ANKS1A: variants seen among roughly 807,000 people sequenced by gnomAD.
ANKS1A encodes the protein ankyrin repeat and sterile alpha motif domain containing 1A.
Under a neutral mutation model 120.3 loss-of-function variants are expected in ANKS1A, and 55 were observed. The ratio of observed to expected loss-of-function variants is 0.46; its 90% CI spans 0.37 to 0.57. ANKS1A has a LOEUF of 0.57. Ranked by LOEUF, ANKS1A falls within the 20% of genes least tolerant of loss-of-function variation. ANKS1A has a pLI of 0.00. For synonymous variants in ANKS1A, 590 were observed against 604.7 expected, an observed-to-expected ratio of 0.98 and a Z score of 0.36; for missense variants, 1,123 against 1,480.3, an observed-to-expected ratio of 0.76 and a Z score of 3.96.
chr6:34,951,115 T>C (rs1480589457), intron 1 of ANKS1A, among the ~76,000 whole-genome samples: 1 of 152,208 alleles, frequency 6.6e-6, no homozygotes, highest in Non-Finnish European at 1.5e-5. Context: ...TGCAGCTGCA[T>C]TTTCCACGTC....
chr6:34,911,415 T>C (rs572540930), intron 1 of ANKS1A, among the ~76,000 whole-genome samples: 2 of 152,356 alleles, frequency 1.3e-5, no homozygotes, highest in Non-Finnish European at 2.9e-5. Flanking sequence ...TGGCCTGTGT[T>C]CTGCTGTAAT....
chr6:34,984,395 G>A (rs984927453), intron 7 of ANKS1A, among the ~76,000 whole-genome samples: 10 of 152,174 alleles, frequency 6.6e-5, no homozygotes, highest in Admixed American at 1.3e-4. Context: ...AGGGAGATAC[G>A]GGCTGAAGGG....
intron 10 of ANKS1A, among the ~76,000 whole-genome samples, chr6:35,001,598 G>C (rs1018960005): frequency 6.6e-6 from 1 of 152,246 alleles, no homozygotes; most frequent in Non-Finnish European, 1.5e-5. Context: ...GGTTCACTTC[G>C]TGTCTCTCAC....
At chr6:35,052,995 C>T (rs897946937) in intron 11 of ANKS1A, among the ~76,000 whole-genome samples, 1 of 152,166 alleles carries the variant, frequency 6.6e-6, no homozygotes, top group African/African-American at 2.4e-5. Context: ...GATACCTCCC[C>T]GAGCCCCCAG....
chr6:34,965,969 C>T (rs1044025969), intron 1 of ANKS1A, among the ~76,000 whole-genome samples: 3 of 152,118 alleles, frequency 2.0e-5, no homozygotes, highest in African/African-American at 7.2e-5. Flanking sequence ...TGTCAAACTT[C>T]TGGCCTCAAC....
intron 13 of ANKS1A, among the ~76,000 whole-genome samples, chr6:35,064,262 G>A (rs752108020): frequency 3.3e-5 from 5 of 152,192 alleles, no homozygotes; most frequent in Admixed American, 6.5e-5. Context: ...GGCAGTCATG[G>A]CTCGGGGCAG....
intron 11 of ANKS1A, among the ~76,000 whole-genome samples, chr6:35,046,878 G>A (rs1031094673): frequency 6.6e-6 from 1 of 152,126 alleles, no homozygotes; most frequent in East Asian, 1.9e-4. Context: ...GAACATTACT[G>A]TCACTCCCAG....
chr6:34,934,241 G>A (rs917844841), intron 1 of ANKS1A, among the ~76,000 whole-genome samples: 3 of 152,098 alleles, frequency 2.0e-5, no homozygotes, highest in East Asian at 1.9e-4. Flanking sequence ...TCCACCTCCC[G>A]GGTTCACGCC....
At chr6:34,997,236 G>A (rs567455168) in intron 10 of ANKS1A, among the ~76,000 whole-genome samples, 9 of 130,060 alleles carry the variant, frequency 6.9e-5, no homozygotes, top group South Asian at 2.4e-4. Flanking sequence ...TTGCTCTGTT[G>A]CCCAGGCTGG....
chr6:34,900,576 C>A (rs2127446964), intron 1 of ANKS1A, among the ~76,000 whole-genome samples: 1 of 152,134 alleles, frequency 6.6e-6, no homozygotes, highest in East Asian at 1.9e-4. Flanking sequence ...CAAGCATGAG[C>A]CACCACACCT....
At position 34,913,551 on chromosome 6, in the gene ANKS1A, C is replaced by G. The variant is rs141526835; in HGVS notation, c.197+23952C>G. ...CAAACGCATGAGCTCAAGTGATTCT[C>G]CCGCCTTGGCCTCTCAAAGTGCTAA... On this transcript the variant is annotated intron_variant, in intron 1 of 23. Coordinates refer to ENST00000360359, the MANE Select transcript of ANKS1A (RefSeq NM_015245.3). Among the ~76,000 whole-genome samples the G allele has an allele frequency of 8.8e-3, 1,346 of 152,302 alleles. 10 individuals carry two copies. Among genetic ancestry groups the G allele is most frequent in the Non-Finnish European group, 0.011 (779 of 68,024 alleles).
Position 34,981,692 on chromosome 6 carries a change from C to A in ANKS1A, c.438C>A (p.Asn146Lys). The stretch of plus-strand genomic sequence containing the variant: ...TGATCTGCTTGTTAACCCTTTAGAA[C>A]AATGACAACGAGACAGCCCTGCATT... ...GPSHTRVNEQ[N>K]NDNETALHCA... Residue 146 changes from asparagine (N) to lysine (K), a missense_variant and splice_region_variant, in exon 4 of 24, where the codon AAC becomes AAA. Around this residue, in one of 3 missense-constraint regions of ANKS1A, gnomAD observed 146 missense variants for 267.8 expected, o/e 0.55. Transcript: ENST00000360359. 6.2e-7 allele frequency: 1 copy of A among 1,613,878 alleles called. No individual in the cohort carries two copies. Among genetic ancestry groups the A allele is most frequent in the Non-Finnish European group, 8.5e-7 (1 of 1,179,822 alleles).
chr6:34,998,399 CAGAA>C (rs1397633986), intron 10 of ANKS1A, among the ~76,000 whole-genome samples: 1 of 152,064 alleles, frequency 6.6e-6, no homozygotes, highest in African/African-American at 2.4e-5. Flanking sequence ...GTTTTATACT[CAGAA>C]AAGAAAAGAG....
chr6:34,941,808 G>A (rs1581725018), intron 1 of ANKS1A, among the ~76,000 whole-genome samples: 1 of 152,138 alleles, frequency 6.6e-6, no homozygotes, highest in Non-Finnish European at 1.5e-5. Flanking sequence ...CAGAATATAT[G>A]TATGACCTGG....
At chr6:35,012,190 A>G (rs1328800654) in intron 10 of ANKS1A, among the ~76,000 whole-genome samples, 1 of 152,192 alleles carries the variant, frequency 6.6e-6, no homozygotes, top group East Asian at 1.9e-4. Flanking sequence ...ATTTTTTGAA[A>G]GAGACCTAGA....
intron 1 of ANKS1A, among the ~76,000 whole-genome samples, chr6:34,960,845 G>GC (rs1272769075): frequency 2.0e-5 from 3 of 152,222 alleles, no homozygotes; most frequent in African/African-American, 7.2e-5. Context: ...GTCCTGGGGA[G>GC]CCCATCATGG....
rs553451155 is a variant in ANKS1A at position 34,963,050 on chromosome 6, C to T, written c.198-4189C>T. On this transcript the variant is annotated intron_variant, in intron 1 of 23. Coordinates refer to ENST00000360359, the MANE Select transcript of ANKS1A (RefSeq NM_015245.3). ...CTAATTTTTGTATTTTTAGTAGAGG[C>T]GGGGTTTCGCCTTGTTGGCCAGGCT... is the stretch of plus-strand genomic sequence containing the variant. 1.4e-4 allele frequency among the ~76,000 whole-genome samples: 21 copies of T among 151,518 alleles called. No homozygotes were observed. In the South Asian group the frequency reaches 2.9e-3, roughly 21 times the overall value.
At chr6:35,012,443 C>G (rs1773806618) in intron 10 of ANKS1A, among the ~76,000 whole-genome samples, 1 of 152,198 alleles carries the variant, frequency 6.6e-6, no homozygotes, top group Admixed American at 6.5e-5. Context: ...GTTTTTGATG[C>G]TCACTATAGT....
At chr6:34,932,730 C>T (rs963897366) in intron 1 of ANKS1A, among the ~76,000 whole-genome samples, 1 of 152,156 alleles carries the variant, frequency 6.6e-6, no homozygotes, top group Admixed American at 6.5e-5. Flanking sequence ...TATGAGTATA[C>T]CATATGTTCA....
Sources: allele counts gnomAD v4.1 joint callset (sites outside exome capture counted in the v4.1 genomes callset), GRCh38; gene constraint gnomAD v4.1.1; regional missense constraint gnomAD v4.1.1; transcripts MANE v1.5; gene names NCBI Gene and HGNC (gene_info 2026-07-23, HGNC 2026-07-21).